The following INPP4B variants were observed in gnomAD, a reference collection of about 807,000 sequenced individuals.
INPP4B encodes the protein inositol polyphosphate-4-phosphatase type II B, also known as inositol polyphosphate 4-phosphatase type II.
Under a neutral mutation model 122.5 loss-of-function variants are expected in INPP4B, and 55 were observed. The observed-to-expected ratio is 0.45, with a 90% CI of 0.36 to 0.56. The LOEUF is 0.56. INPP4B is among the 20% of genes least tolerant of loss of function. The pLI, the probability that INPP4B is intolerant of heterozygous loss-of-function variation, is 0.00. For missense variants in INPP4B, 1,000 were observed against 1,097.7 expected, an observed-to-expected ratio of 0.91 and a Z score of 1.26; for synonymous variants, 403 against 388.7, an observed-to-expected ratio of 1.04 and a Z score of -0.43.
intron 25 of INPP4B, among the ~76,000 whole-genome samples, chr4:142,052,283 T>C (rs1755070288): frequency 6.6e-6 from 1 of 152,084 alleles, no homozygotes; most frequent in Non-Finnish European, 1.5e-5. Context: ...TAAATTAACA[T>C]GCCTAATGAT....
At chr4:142,098,163 T>C (rs1578889692) in intron 23 of INPP4B, among the ~76,000 whole-genome samples, 1 of 152,088 alleles carries the variant, frequency 6.6e-6, no homozygotes, top group Non-Finnish European at 1.5e-5. Context: ...AGATAGGGCA[T>C]AGAGCCACTA....
At chr4:142,038,080 G>T (rs1004391476) in intron 25 of INPP4B, among the ~76,000 whole-genome samples, 1 of 152,070 alleles carries the variant, frequency 6.6e-6, no homozygotes, top group African/African-American at 2.4e-5. Flanking sequence ...TCAATGTCCA[G>T]GAAGTTAAAT....
At chr4:142,189,631 C>A (rs1466426568) in intron 15 of INPP4B, among the ~76,000 whole-genome samples, 1 of 151,914 alleles carries the variant, frequency 6.6e-6, no homozygotes, top group Non-Finnish European at 1.5e-5. Flanking sequence ...ATGTAAATGG[C>A]TTTCACAGAA....
intron 18 of INPP4B, among the ~76,000 whole-genome samples, chr4:142,145,573 AG>A (rs1242183760): frequency 6.6e-6 from 1 of 152,152 alleles, no homozygotes. Context: ...AAACTATGTC[AG>A]AGCCTTAAAA....
At chr4:142,746,337 G>A (rs1768745047) in intron 1 of INPP4B, among the ~76,000 whole-genome samples, 1 of 151,976 alleles carries the variant, frequency 6.6e-6, no homozygotes. Flanking sequence ...GCCTCTTCAA[G>A]GGGAACTACA....
chr4:142,479,674 C>T (rs540371442), intron 2 of INPP4B, among the ~76,000 whole-genome samples: 75 of 152,112 alleles, frequency 4.9e-4, no homozygotes, highest in African/African-American at 1.6e-3. Context: ...ATGAACGGAG[C>T]TGAAAGTCAT....
intron 2 of INPP4B, among the ~76,000 whole-genome samples, chr4:142,529,013 T>A (rs1007889526): frequency 3.9e-5 from 6 of 152,006 alleles, no homozygotes; most frequent in Non-Finnish European, 7.4e-5. Context: ...AAAAGAAAAA[T>A]TTTTTCTAAG....
intron 1 of INPP4B, among the ~76,000 whole-genome samples, chr4:142,779,394 G>C (rs1004021774): frequency 6.6e-6 from 1 of 152,094 alleles, no homozygotes; most frequent in Non-Finnish European, 1.5e-5. Flanking sequence ...ATGATTTGGA[G>C]TTTACATGAA....
At chr4:142,438,433 C>A (rs568273820) in intron 3 of INPP4B, among the ~76,000 whole-genome samples, 2 of 152,212 alleles carry the variant, frequency 1.3e-5, no homozygotes, top group East Asian at 3.9e-4. Flanking sequence ...ACTACCCTGA[C>A]AGAAACAAGC....
rs150410502 is a variant in INPP4B, at chr4:142,665,273, A to G, written c.-191+60566T>C. On this transcript the variant is annotated intron_variant, in intron 2 of 25. Transcript: ENST00000262992. ...TTTGGGAGGCCAAGGCGGGCAGATC[A>G]TGAGGTCAGGAGATGGAGACCATCC... is the stretch of plus-strand genomic sequence containing the variant. 8.9e-3 allele frequency among the ~76,000 whole-genome samples: 1,354 copies of G among 152,254 alleles called. 25 individuals are homozygous for G. The highest frequency in any genetic ancestry group is 0.031 in the African/African-American group (1,284 of 41,546).
chr4:142,253,547 G>A (rs1018173795), intron 11 of INPP4B, among the ~76,000 whole-genome samples: 4 of 152,370 alleles, frequency 2.6e-5, no homozygotes, highest in Middle Eastern at 3.4e-3. Context: ...CTCGGGAAGT[G>A]CAAGGGGTCA....
chr4:142,226,744 G>C (rs983688626), intron 12 of INPP4B, among the ~76,000 whole-genome samples: 1 of 152,132 alleles, frequency 6.6e-6, no homozygotes, highest in African/African-American at 2.4e-5. Context: ...TATGAGTATG[G>C]GGAACAGCAG....
intron 2 of INPP4B, among the ~76,000 whole-genome samples, chr4:142,467,372 G>A (rs1817982785): frequency 6.6e-6 from 1 of 152,226 alleles, no homozygotes; most frequent in Non-Finnish European, 1.5e-5. Flanking sequence ...GGTCAAAGGA[G>A]ATTGTTTTGA....
At chr4:142,327,743 C>T (rs1213109649) in intron 7 of INPP4B, among the ~76,000 whole-genome samples, 1 of 152,192 alleles carries the variant, frequency 6.6e-6, no homozygotes, top group Non-Finnish European at 1.5e-5. Context: ...TCTTTCACCG[C>T]TCTACCTAAT....
chr4:142,064,566 A>G lies in INPP4B; in HGVS notation c.2642+17465T>C, dbSNP rs72940949. Among the ~76,000 whole-genome samples, 1,086 of 152,294 alleles carry G rather than the reference A, an allele frequency of 7.1e-3. 14 individuals carry two copies. The highest frequency in any genetic ancestry group is 0.025 in the African/African-American group (1,037 of 41,556). ...GATACTAGGAGTTTTCAATAAATCT[A>G]TTTCAAGAGCAGCTGCTATAAAATT... On this transcript the variant is annotated intron_variant, in intron 25 of 25. Transcript: ENST00000262992.
intron 2 of INPP4B, among the ~76,000 whole-genome samples, chr4:142,605,636 CA>C (rs368705491): frequency 0.028 from 4,091 of 147,910 alleles, 76 homozygotes; most frequent in Non-Finnish European, 0.042. Context: ...GCACATTTTT[CA>C]AAAAAAAAGG....
intron 24 of INPP4B, among the ~76,000 whole-genome samples, chr4:142,083,095 C>T (rs1008249289): frequency 7.0e-6 from 1 of 142,252 alleles, no homozygotes; most frequent in African/African-American, 2.8e-5. Flanking sequence ...GAGTGACACC[C>T]TGTCTCAAAA....
intron 25 of INPP4B, among the ~76,000 whole-genome samples, chr4:142,059,395 G>A (rs1759425943): frequency 1.3e-5 from 2 of 151,972 alleles, no homozygotes; most frequent in African/African-American, 4.8e-5. Context: ...CAGAAATTCT[G>A]TTTCCATTAA....
intron 7 of INPP4B, among the ~76,000 whole-genome samples, chr4:142,352,260 A>G (rs1353574841): frequency 6.6e-6 from 1 of 151,972 alleles, no homozygotes; most frequent in Non-Finnish European, 1.5e-5. Flanking sequence ...AAGCACCACA[A>G]ATACTTCCCA....
Sources: gnomAD v4.1 joint callset for allele counts (sites outside exome capture counted in the v4.1 genomes callset) on GRCh38, gnomAD v4.1.1 for gene constraint, MANE v1.5 for transcripts, NCBI Gene and HGNC (gene_info 2026-07-23, HGNC 2026-07-21) for gene names.